Variants in WNT3A observed in about 807,000 individuals in gnomAD.
WNT3A encodes the protein protein Wnt-3a.
WNT3A carries 17 observed loss-of-function variants against 37.0 expected under a neutral mutation model. That is an observed-to-expected ratio of 0.46 (90% CI 0.31 to 0.69). WNT3A has a LOEUF of 0.69. WNT3A is among the 30% of genes least tolerant of loss of function. The probability of loss-of-function intolerance (pLI) is 0.05; values close to 1 mark genes in which losing one functional copy is unlikely to be tolerated. For missense variants in WNT3A, 411 were observed against 510.2 expected (o/e 0.81, Z 1.87); for synonymous variants, 187 against 211.0 (o/e 0.89, Z 0.99).
At chr1:228,045,239 G>C (rs2031373295) in intron 2 of WNT3A, among the ~76,000 whole-genome samples, 1 of 152,256 alleles carries the variant, frequency 6.6e-6, no homozygotes, top group Admixed American at 6.5e-5. Context: ...CTTACCAGAA[G>C]CTCAGGAGCA....
chr1:228,050,760 A>G lies in WNT3A; in HGVS notation c.418A>G (p.Ser140Gly). 1 of 1,613,988 alleles carries G rather than the reference A, an allele frequency of 6.2e-7. No homozygotes were observed. Among genetic ancestry groups the G allele is most frequent in the South Asian group, 1.1e-5 (1 of 91,072 alleles). The change falls in exon 3 of 4, where the codon AGC (serine) becomes GGC (glycine). Residue 140 changes from serine to glycine, a missense_variant. Ser to Gly is a moderately conservative substitution (Grantham distance 56, BLOSUM62 0). Transcript: ENST00000284523. This position sits in a 1 kb window ranked among gnomAD's most constrained non-coding sequence, Gnocchi z 5.0. ...EGTAAICGCS[S>G]RHQGSPGKGW... is the part of the protein sequence containing the mutation. ...CACGGCCGCCATCTGTGGCTGCAGC[A>G]GCCGCCACCAGGGCTCACCAGGCAA...
chr1:228,049,707 G>A (rs750466769), intron 2 of WNT3A, among the ~76,000 whole-genome samples: 1 of 152,136 alleles, frequency 6.6e-6, no homozygotes, highest in Non-Finnish European at 1.5e-5. Context: ...GGTGTGAGGC[G>A]GCCCCTTATT....
intron 2 of WNT3A, among the ~76,000 whole-genome samples, chr1:228,033,992 T>A (rs907499526): frequency 6.6e-6 from 1 of 152,232 alleles, no homozygotes; most frequent in Non-Finnish European, 1.5e-5. Context: ...CCAGGTGCAG[T>A]GGCTTATGCC....
chr1:228,011,206 G>A (rs1161637486), intron 1 of WNT3A, among the ~76,000 whole-genome samples: 3 of 151,352 alleles, frequency 2.0e-5, no homozygotes, highest in Non-Finnish European at 2.9e-5. Context: ...CGTGTGTGGT[G>A]TGTGGGCAGG....
At chr1:228,047,940 A>C (rs2031461427) in intron 2 of WNT3A, among the ~76,000 whole-genome samples, 1 of 152,070 alleles carries the variant, frequency 6.6e-6, no homozygotes, top group African/African-American at 2.4e-5. Flanking sequence ...CCAGCCCTGG[A>C]GATCACAGTT....
At chr1:228,024,139 C>G (rs1454541331) in intron 2 of WNT3A, among the ~76,000 whole-genome samples, 1 of 152,218 alleles carries the variant, frequency 6.6e-6, no homozygotes, top group African/African-American at 2.4e-5. Context: ...GTTTTCACAC[C>G]TTTTGGTTTC....
chr1:228,039,218 C>A lies in WNT3A; in HGVS notation c.314-11438C>A. Among the ~76,000 whole-genome samples, 1 of 152,276 alleles carries A rather than the reference C, an allele frequency of 6.6e-6. No homozygotes were observed. The highest frequency in any genetic ancestry group is 2.1e-4 in the South Asian group (1 of 4,826). On this transcript the variant is annotated intron_variant, in intron 2 of 3. Coordinates refer to ENST00000284523, the MANE Select transcript of WNT3A (RefSeq NM_033131.4). The surrounding 1 kb of genome is among the most constrained non-coding windows in gnomAD (Gnocchi z 4.1). Reference sequence around the variant, plus strand: ...GTGAGCATGGGTCAACATCAAGAAGCAGACTGGGCAAAGGCGGCATCCCAA... The same window carrying A: ...GTGAGCATGGGTCAACATCAAGAAGAAGACTGGGCAAAGGCGGCATCCCAA...
Position 228,050,411 on chromosome 1 carries a change from C to A in WNT3A, c.314-245C>A, listed in dbSNP as rs574890833. 1.1e-4 allele frequency among the ~76,000 whole-genome samples: 16 copies of A among 152,342 alleles called. No homozygotes were observed. Among genetic ancestry groups the A allele is most frequent in the African/African-American group, 3.6e-4 (15 of 41,576 alleles). ...TAATTTCTTGCACACACTGGTTCCC[C>A]TTTACGCCCCCTTTCCCTTCTGCCA... On this transcript the variant is annotated intron_variant, in intron 2 of 3. Coordinates refer to ENST00000284523, the MANE Select transcript of WNT3A (RefSeq NM_033131.4). The surrounding 1 kb of genome is among the most constrained non-coding windows in gnomAD (Gnocchi z 5.0).
intron 3 of WNT3A, among the ~76,000 whole-genome samples, chr1:228,053,088 A>G (rs1165516991): frequency 6.6e-6 from 1 of 152,196 alleles, no homozygotes; most frequent in African/African-American, 2.4e-5. Context: ...ATATGAGGAC[A>G]TGATGTTCCT....
intron 3 of WNT3A, among the ~76,000 whole-genome samples, chr1:228,052,102 C>T (rs185841705): frequency 6.6e-6 from 1 of 152,276 alleles, no homozygotes; most frequent in African/African-American, 2.4e-5. Flanking sequence ...CATGACTTGA[C>T]TTGATCACCT....
rs942505951 is a variant in WNT3A, at chr1:228,042,160, G to A, written c.314-8496G>A. Among the ~76,000 whole-genome samples the A allele has an allele frequency of 1.3e-5, 2 of 152,114 alleles. No individual in the cohort carries two copies. Among genetic ancestry groups the A allele is most frequent in the Non-Finnish European group, 2.9e-5 (2 of 68,042 alleles). ...TGCCCCGCTGATTTTTGTATTTTTA[G>A]TAGAGACGGGGTTTCACCATGTTGG... is the stretch of plus-strand genomic sequence containing the variant. On this transcript the variant is annotated intron_variant, in intron 2 of 3. Transcript: ENST00000284523. The surrounding 1 kb of genome is among the most constrained non-coding windows in gnomAD (Gnocchi z 5.2).
At chr1:228,023,029 G>C in intron 2 of WNT3A, 121 bp downstream of exon 2, 1 of 1,440,532 alleles carries the variant, frequency 6.9e-7, no homozygotes, top group Non-Finnish European at 9.2e-7. Flanking sequence ...CGGACGCTGG[G>C]GTCCTTCCCG....
chr1:228,045,806 G>A (rs1445218082), intron 2 of WNT3A, among the ~76,000 whole-genome samples: 2 of 152,198 alleles, frequency 1.3e-5, no homozygotes, highest in Non-Finnish European at 2.9e-5. Context: ...GGGCAAGGGT[G>A]GGTCTGCTCT....
intron 2 of WNT3A, among the ~76,000 whole-genome samples, chr1:228,041,030 T>TATCTATC (rs1321859135): frequency 6.7e-6 from 1 of 149,496 alleles, no homozygotes; most frequent in African/African-American, 2.5e-5. Context: ...TCTATCTATC[T>TATCTATC]ATCTATCTAT....
chr1:228,038,882 C>T lies in WNT3A; in HGVS notation c.314-11774C>T, dbSNP rs2031207326. On this transcript the variant is annotated intron_variant, in intron 2 of 3. Coordinates refer to ENST00000284523, the MANE Select transcript of WNT3A (RefSeq NM_033131.4). This position sits in a 1 kb window ranked among gnomAD's most constrained non-coding sequence, Gnocchi z 5.7. The stretch of plus-strand genomic sequence containing the variant: ...TGGGGTGGGGCATTTGCCCTGCAGA[C>T]CTGGGGAGAGAAGCTGGCTGCAGTA... Among the ~76,000 whole-genome samples, 1 of 152,122 alleles carries T rather than the reference C, an allele frequency of 6.6e-6. No individual in the cohort carries two copies. Among genetic ancestry groups the T allele is most frequent in the Non-Finnish European group, 1.5e-5 (1 of 68,008 alleles).
intron 1 of WNT3A, among the ~76,000 whole-genome samples, chr1:228,012,362 A>T (rs2030398374): frequency 6.6e-6 from 1 of 152,228 alleles, no homozygotes; most frequent in Non-Finnish European, 1.5e-5. Context: ...CAGAACAGAA[A>T]TGGGAATTTA....
chr1:228,040,120 A>G (rs2031240857), intron 2 of WNT3A, among the ~76,000 whole-genome samples: 1 of 152,158 alleles, frequency 6.6e-6, no homozygotes, highest in Admixed American at 6.5e-5. Context: ...GGCTATGGCC[A>G]TGGAAACGCC....
At chr1:228,034,850 T>A (rs2031096774) in intron 2 of WNT3A, among the ~76,000 whole-genome samples, 1 of 152,198 alleles carries the variant, frequency 6.6e-6, no homozygotes, top group South Asian at 2.1e-4. Context: ...GCTCCCACTC[T>A]TGCTTTCTGG....
chr1:228,056,016 T>C (rs1364294100), intron 3 of WNT3A, among the ~76,000 whole-genome samples: 1 of 152,198 alleles, frequency 6.6e-6, no homozygotes, highest in African/African-American at 2.4e-5. Flanking sequence ...CTGTGAACCC[T>C]AGTTATCCTC....
Sources: gnomAD v4.1 joint callset for allele counts (sites outside exome capture counted in the v4.1 genomes callset) on GRCh38, gnomAD v4.1.1 for gene constraint, Gnocchi (gnomAD v3.1) non-coding constraint, MANE v1.5 for transcripts, NCBI Gene and HGNC (gene_info 2026-07-23, HGNC 2026-07-21) for gene names.